ERN1: variants seen among roughly 807,000 people sequenced by gnomAD.
ERN1 encodes endoplasmic reticulum to nucleus signaling 1.
A neutral mutation model predicts 113.1 loss-of-function variants in ERN1; 39 were observed. The ratio of observed to expected loss-of-function variants is 0.34; its 90% CI spans 0.27 to 0.45. The LOEUF (loss-of-function observed/expected upper bound fraction) is 0.45, where lower values mean the gene tolerates loss of function less well. Among genes scored for constraint, ERN1 ranks in the 20% least tolerant of loss-of-function variants. The pLI, the probability that ERN1 is intolerant of heterozygous loss-of-function variation, is 1.00. For missense variants in ERN1, 976 were observed against 1,274.8 expected, an observed-to-expected ratio of 0.77 and a Z score of 3.57; for synonymous variants, 507 against 515.9, an observed-to-expected ratio of 0.98 and a Z score of 0.23.
chr17:64,078,964 C>A (rs1224964691), intron 4 of ERN1, among the ~76,000 whole-genome samples: 1 of 152,182 alleles, frequency 6.6e-6, no homozygotes, highest in Non-Finnish European at 1.5e-5. Flanking sequence ...CAAGATTGTG[C>A]CACTGCATTC....
At chr17:64,106,755 C>CACA (rs1037846993) in intron 1 of ERN1, among the ~76,000 whole-genome samples, 2 of 142,560 alleles carry the variant, frequency 1.4e-5, no homozygotes, top group African/African-American at 6.0e-5. Context: ...CACACACACA[C>CACA]ACACACACAA....
At chr17:64,045,261 GGCCTGAACA>G (rs1433013560) in intron 20 of ERN1, 89 bp downstream of exon 20, 7 of 1,414,186 alleles carry the variant, frequency 4.9e-6, no homozygotes, top group Non-Finnish European at 6.9e-6. Context: ...TGGGATGTGG[GGCCTGAACA>G]GCCTGGAGCG....
intron 1 of ERN1, among the ~76,000 whole-genome samples, chr17:64,104,219 G>A (rs1401062163): frequency 1.3e-5 from 2 of 152,192 alleles, no homozygotes; most frequent in Non-Finnish European, 2.9e-5. Context: ...TCTAACCTGA[G>A]CAACAGAGCC....
At chr17:64,105,570 TTC>T (rs1192488152) in intron 1 of ERN1, among the ~76,000 whole-genome samples, 3 of 152,216 alleles carry the variant, frequency 2.0e-5, no homozygotes, top group Non-Finnish European at 4.4e-5. Context: ...GGCTGGTTTT[TTC>T]TCTGTGTGTG....
At chr17:64,067,288 T>A (rs778316430) in intron 7 of ERN1, among the ~76,000 whole-genome samples, 9 of 152,070 alleles carry the variant, frequency 5.9e-5, no homozygotes, top group Middle Eastern at 3.4e-3. Context: ...TTGAAACCCA[T>A]CGATCAAACT....
At chr17:64,076,117 A>G (rs897427105) in intron 4 of ERN1, among the ~76,000 whole-genome samples, 3 of 152,254 alleles carry the variant, frequency 2.0e-5, no homozygotes, top group Non-Finnish European at 4.4e-5. Context: ...ACTGCATTTC[A>G]TCATAAAACT....
rs573131610 is a variant in ERN1, at chr17:64,063,040, G to C, written c.1087+946C>G. Among the ~76,000 whole-genome samples, 5 of 152,310 alleles carry C rather than the reference G, an allele frequency of 3.3e-5. No homozygotes were observed. The South Asian group carries it at 1.0e-3, about 32-fold the overall frequency. On this transcript the variant is annotated intron_variant, in intron 10 of 21. Coordinates refer to ENST00000433197, the MANE Select transcript of ERN1 (RefSeq NM_001433.5). This position sits in a 1 kb window ranked among gnomAD's most constrained non-coding sequence, Gnocchi z 5.1. ...GTTTCCTGGTCCCCACATGCTCCCA[G>C]CTGCCCCACATCTCTTTTCCAGAGC... is the stretch of plus-strand genomic sequence containing the variant.
chr17:64,081,985 A>G (rs113850763), intron 2 of ERN1, among the ~76,000 whole-genome samples: 123 of 152,264 alleles, frequency 8.1e-4, no homozygotes, highest in African/African-American at 2.8e-3. Flanking sequence ...GCTATACACA[A>G]CTTAATCTCT....
intron 5 of ERN1, among the ~76,000 whole-genome samples, chr17:64,073,199 C>T (rs1325937055): frequency 1.3e-5 from 2 of 151,698 alleles, no homozygotes; most frequent in African/African-American, 2.4e-5. Flanking sequence ...GATGGAGTCT[C>T]GCTCTGCCGC....
At position 64,044,028 on chromosome 17, in the gene ERN1, G is replaced by A. The variant is rs1414869687; in HGVS notation, c.2894C>T (p.Pro965Leu). The change falls in exon 22 of 22, where the codon CCC becomes CTC. Residue 965 changes from proline (P) to leucine (L), a missense_variant. Transcript: ENST00000433197. The surrounding 1 kb of genome is among the most constrained non-coding windows in gnomAD (Gnocchi z 4.1). Reference protein sequence around the residue: ...RLFQPYYFHEPPEPQPPVTPD... With the variant: ...RLFQPYYFHELPEPQPPVTPD... ...AGTCACTGGGGGCTGGGGCTCTGGG[G>A]GCTCGTGGAAGTAGTAGGGCTGGAA... The A allele has an allele frequency of 6.2e-7, 1 of 1,613,282 alleles. No individual in the cohort carries two copies. The highest frequency in any genetic ancestry group is 8.5e-7 in the Non-Finnish European group (1 of 1,179,730).
rs769561234 is a variant in ERN1 at position 64,044,210 on chromosome 17, G to A, written c.2722-10C>T. The stretch of plus-strand genomic sequence containing the variant: ...CCCGGTAGTGGTGCTTCTGCAAAGA[G>A]TTAGAAAGCTCGGGAGATTAGAAAG... On this transcript the variant is annotated splice_polypyrimidine_tract_variant and intron_variant, in intron 21 of 21. Transcript: ENST00000433197. The surrounding 1 kb of genome is among the most constrained non-coding windows in gnomAD (Gnocchi z 4.1). 1.4e-5 allele frequency: 21 copies of A among 1,508,762 alleles called. No individual in the cohort carries two copies. The highest frequency in any genetic ancestry group is 1.1e-4 in the Admixed American group (5 of 46,718). 93.5% of individuals were successfully genotyped at this position (1,508,762 alleles called of 1,614,324 possible).
chr17:64,048,112 T>C, intron 18 of ERN1, 127 bp from the exon 19 acceptor site: 1 of 918,348 alleles, frequency 1.1e-6, no homozygotes, highest in East Asian at 2.7e-5. Context: ...TCCAATAAAA[T>C]AATTAGGAAC....
At chr17:64,116,595 G>A (rs925134379) in intron 1 of ERN1, among the ~76,000 whole-genome samples, 5 of 151,778 alleles carry the variant, frequency 3.3e-5, no homozygotes, top group Middle Eastern at 3.4e-3. Flanking sequence ...ATCGGGAGAT[G>A]TTACAAATAC....
At chr17:64,107,743 A>G (rs915537454) in intron 1 of ERN1, among the ~76,000 whole-genome samples, 2 of 152,230 alleles carry the variant, frequency 1.3e-5, no homozygotes, top group Non-Finnish European at 2.9e-5. Context: ...TGAGTAACAA[A>G]TATTTCACTA....
rs1337696643 is a variant in ERN1, at chr17:64,039,740, T to C, written c.*4248A>G. The C allele has an allele frequency of 6.6e-6, 1 of 152,150 alleles. No homozygotes were observed. Among genetic ancestry groups the C allele is most frequent in the African/African-American group, 2.4e-5 (1 of 41,410 alleles). 9.4% of individuals were successfully genotyped at this position (152,150 alleles called of 1,614,324 possible). On this transcript the variant is annotated 3_prime_UTR_variant, in exon 22 of 22. Transcript: ENST00000433197. ...TGACTGGTAATGCTTTCTAGGTAAG[T>C]GGGGACTCCCCATCACAGCTTTAGG...
Position 64,049,517 on chromosome 17 carries a change from C to T in ERN1, c.2254-315G>A, listed in dbSNP as rs1912617169. Among the ~76,000 whole-genome samples the T allele has an allele frequency of 6.6e-6, 1 of 152,196 alleles. No homozygotes were observed. Among genetic ancestry groups the T allele is most frequent in the African/African-American group, 2.4e-5 (1 of 41,436 alleles). ...AATATGCAAAAATGGTTGCTTACGA[C>T]AGTGCTTGGCCCATCAAAAGCCCTC... On this transcript the variant is annotated intron_variant, in intron 17 of 21. Transcript: ENST00000433197. The surrounding 1 kb of genome is among the most constrained non-coding windows in gnomAD (Gnocchi z 4.7).
In ERN1 at chr17:64,053,864, CT is replaced by C. The variant is rs147406617; in HGVS notation, c.1953+385del. ...GGGATAAAAATGCTCCACATTTTGA[CT>C]GTGTATGTGGTTAAATGGGTATAGA... On this transcript the variant is annotated intron_variant, in intron 15 of 21. Transcript: ENST00000433197. 5.5e-3 allele frequency: 942 copies of C among 172,378 alleles called. 8 individuals carry two copies. Among genetic ancestry groups the C allele is most frequent in the African/African-American group, 0.021 (902 of 42,100 alleles). 10.7% of individuals were successfully genotyped at this position (172,378 alleles called of 1,614,324 possible). A position where few individuals can be genotyped will look rare whatever the true frequency, so the allele number is the denominator to read the frequency against.
At chr17:64,065,438 C>A (rs1165817568) in intron 8 of ERN1, among the ~76,000 whole-genome samples, 151 bp from the exon 9 acceptor site, 41 of 152,172 alleles carry the variant, frequency 2.7e-4, no homozygotes, top group Non-Finnish European at 2.2e-4. Context: ...AAGCTAGGGG[C>A]ACTGCCCTGG....
intron 2 of ERN1, among the ~76,000 whole-genome samples, chr17:64,085,560 G>A (rs776464278): frequency 2.6e-5 from 4 of 152,106 alleles, no homozygotes; most frequent in Non-Finnish European, 4.4e-5. Context: ...TTCAACATGA[G>A]GTTTGGAGGG....
Sources: gnomAD v4.1 joint callset for allele counts (sites outside exome capture counted in the v4.1 genomes callset) on GRCh38, gnomAD v4.1.1 for gene constraint, Gnocchi (gnomAD v3.1) non-coding constraint, MANE v1.5 for transcripts, NCBI Gene and HGNC (gene_info 2026-07-23, HGNC 2026-07-21) for gene names.